Variants in FRRS1L observed in about 807,000 individuals in gnomAD.
FRRS1L encodes the protein ferric chelate reductase 1 like.
Under a neutral mutation model 28.6 loss-of-function variants are expected in FRRS1L, and 22 were observed. That is an observed-to-expected ratio of 0.77 (90% CI 0.55 to 1.10). The LOEUF (loss-of-function observed/expected upper bound fraction) is 1.10, where lower values mean the gene tolerates loss of function less well. FRRS1L is among the 50% of genes least tolerant of loss of function. The pLI, the probability that FRRS1L is intolerant of heterozygous loss-of-function variation, is 0.00. For synonymous variants in FRRS1L, 158 were observed against 151.4 expected (o/e 1.04, Z -0.32); for missense variants, 380 against 386.9 (o/e 0.98, Z 0.15).
At chr9:109,150,355 A>C (rs1210937155) in intron 1 of FRRS1L, 4 of 152,152 alleles carry the variant, frequency 2.6e-5, no homozygotes, top group Admixed American at 2.6e-4. Context: ...AGCTGGGATT[A>C]CAGGCGCCGG....
At chr9:109,166,223 G>A (rs1831546717) in intron 1 of FRRS1L, among the ~76,000 whole-genome samples, 1 of 152,122 alleles carries the variant, frequency 6.6e-6, no homozygotes, top group South Asian at 2.1e-4. Context: ...TTTTGTGCTC[G>A]TTGAAGCAGC....
Position 109,166,922 on chromosome 9 carries a change from G to A in FRRS1L, c.217C>T (p.Leu73=). The A allele has an allele frequency of 1.5e-6, 2 of 1,346,462 alleles. No individual in the cohort carries two copies. Among genetic ancestry groups the A allele is most frequent in the South Asian group, 1.7e-5 (1 of 58,244 alleles). The allele number at this position is 1,346,462 out of a possible 1,614,324, so 83.4% of individuals were successfully genotyped here. The stretch of plus-strand genomic sequence containing the variant: ...TCACCCTCCTCCGACAGGTAGCGCA[G>A]GTCGTAGAACTCCCCCGCGAAGGTG... ...YGTFAGEFYD[L]RYLSEEGYPF... The change falls in exon 1 of 5, where the codon CTG becomes TTG. Residue 73 remains leucine (L), a synonymous_variant. Coordinates refer to ENST00000561981, the MANE Select transcript of FRRS1L (RefSeq NM_014334.4).
At chr9:109,164,348 A>G (rs1588105564) in intron 1 of FRRS1L, among the ~76,000 whole-genome samples, 1 of 151,582 alleles carries the variant, frequency 6.6e-6, no homozygotes, top group African/African-American at 2.4e-5. Context: ...TGAGCCAGGG[A>G]GGACATTTCA....
At chr9:109,139,615 T>C (rs1190137887) in intron 4 of FRRS1L, 1 of 152,192 alleles carries the variant, frequency 6.6e-6, no homozygotes, top group African/African-American at 2.4e-5. Context: ...ATTTTTAGAC[T>C]TCAAATCCCA....
chr9:109,160,611 C>G (rs1588104199), intron 1 of FRRS1L, among the ~76,000 whole-genome samples: 1 of 152,034 alleles, frequency 6.6e-6, no homozygotes, highest in East Asian at 1.9e-4. Flanking sequence ...TGATCTCAAA[C>G]TCCTGGGCTC....
At chr9:109,161,476 T>A (rs988163059) in intron 1 of FRRS1L, among the ~76,000 whole-genome samples, 8 of 152,176 alleles carry the variant, frequency 5.3e-5, no homozygotes, top group African/African-American at 1.9e-4. Context: ...TTCGAGCCAT[T>A]TTTTTCTCTC....
chr9:109,158,573 C>A (rs189952572), intron 1 of FRRS1L, among the ~76,000 whole-genome samples: 1 of 152,302 alleles, frequency 6.6e-6, no homozygotes, highest in Non-Finnish European at 1.5e-5. Context: ...CATTTTATAT[C>A]AATGGAATCA....
chr9:109,141,653 A>G, intron 3 of FRRS1L, 64 bp from the exon 4 acceptor site: 1 of 1,499,566 alleles, frequency 6.7e-7, no homozygotes, highest in South Asian at 1.2e-5. Context: ...ACTGGTCACT[A>G]GAAATATACA....
At chr9:109,138,038 A>G (rs1357367184) in intron 4 of FRRS1L, 2 of 152,600 alleles carry the variant, frequency 1.3e-5, no homozygotes, top group Non-Finnish European at 2.9e-5. Context: ...AGAGACTACT[A>G]ACTTTTTCCC....
Position 109,137,342 on chromosome 9 carries a change from G to A in FRRS1L, c.*113C>T. The stretch of plus-strand genomic sequence containing the variant: ...TTCTTCCAAAAAGCTGAAATTATAT[G>A]AGGTTTTTTTTCTTAAATAATTGAA... On this transcript the variant is annotated 3_prime_UTR_variant, in exon 5 of 5. Transcript: ENST00000561981. 2 of 604,224 alleles carry A rather than the reference G, an allele frequency of 3.3e-6. No homozygotes were observed. Among genetic ancestry groups the A allele is most frequent in the Non-Finnish European group, 5.2e-6 (2 of 387,242 alleles). The allele number at this position is 604,224 out of a possible 1,614,324, so 37.4% of individuals were successfully genotyped here. A position where few individuals can be genotyped will look rare whatever the true frequency, so the allele number is the denominator to read the frequency against.
In FRRS1L at chr9:109,137,605, T is replaced by C. The variant is rs369428108; in HGVS notation, c.732A>G (p.Ile244Met). Residue 244 changes from isoleucine (I) to methionine (M), a missense_variant, in exon 5 of 5, where the codon ATA (isoleucine) becomes ATG (methionine). Coordinates refer to ENST00000561981, the MANE Select transcript of FRRS1L (RefSeq NM_014334.4). ...CACGCTCTGAAGCCGGCGGTGAGTCTATATCATGTCGAGTGATAGAGCCTT... is the reference window on the plus strand; with the variant it reads ...CACGCTCTGAAGCCGGCGGTGAGTCCATATCATGTCGAGTGATAGAGCCTT... ...AIQGSITRHD[I>M]DSPPASERVV... is the part of the protein sequence containing the mutation. The C allele has an allele frequency of 8.3e-5, 133 of 1,597,492 alleles. No homozygotes were observed. Among genetic ancestry groups the C allele is most frequent in the Non-Finnish European group, 9.8e-5 (115 of 1,170,872 alleles).
rs572596027 is a variant in FRRS1L, at chr9:109,136,603, C to T, written c.*852G>A. 6.6e-6 allele frequency: 1 copy of T among 152,324 alleles called. No individual in the cohort carries two copies. Among genetic ancestry groups the T allele is most frequent in the East Asian group, 1.9e-4 (1 of 5,180 alleles). 9.4% of individuals were successfully genotyped at this position (152,324 alleles called of 1,614,324 possible). A position where few individuals can be genotyped will look rare whatever the true frequency, so the allele number is the denominator to read the frequency against. On this transcript the variant is annotated 3_prime_UTR_variant, in exon 5 of 5. Transcript: ENST00000561981. The stretch of plus-strand genomic sequence containing the variant: ...TGGCACAATCTCGGCTCACTGCAAC[C>T]TCCGCCTCCTGGGTTCCAGCAATTC...
At position 109,152,690 on chromosome 9, in the gene FRRS1L, G is replaced by C. The variant is rs1319609446; in HGVS notation, c.239-2970C>G. Among the ~76,000 whole-genome samples, 64 of 150,924 alleles carry C rather than the reference G, an allele frequency of 4.2e-4. 1 individual carries two copies. The highest frequency in any genetic ancestry group is 3.5e-3 in the Middle Eastern group (1 of 286). On this transcript the variant is annotated intron_variant, in intron 1 of 4. Coordinates refer to ENST00000561981, the MANE Select transcript of FRRS1L (RefSeq NM_014334.4). ...GTGGTGGTGGGCACCTGTAGTCCCAGCTACTCAGGAGGCTGAGGCAGGAGA... is the reference window on the plus strand; with the variant it reads ...GTGGTGGTGGGCACCTGTAGTCCCACCTACTCAGGAGGCTGAGGCAGGAGA...
intron 1 of FRRS1L, among the ~76,000 whole-genome samples, chr9:109,157,729 C>A (rs1003440960): frequency 2.0e-5 from 3 of 152,150 alleles, no homozygotes; most frequent in African/African-American, 7.2e-5. Flanking sequence ...TGCTGTACAC[C>A]ATTTCCATCA....
At chr9:109,154,036 T>A (rs1480480102) in intron 1 of FRRS1L, among the ~76,000 whole-genome samples, 2 of 151,992 alleles carry the variant, frequency 1.3e-5, no homozygotes, top group Non-Finnish European at 2.9e-5. Context: ...GCTGTTCCAA[T>A]AAGCAAGTTC....
chr9:109,152,803 C>CAAAAAAAAAAAAAA (rs59385693), intron 1 of FRRS1L, among the ~76,000 whole-genome samples: 8 of 24,116 alleles, frequency 3.3e-4, no homozygotes, highest in African/African-American at 1.8e-3. Flanking sequence ...GACTCCATCT[C>CAAAAAAAAAAAAAA]AAAAAAAAAA....
At chr9:109,153,770 T>G (rs1177267308) in intron 1 of FRRS1L, among the ~76,000 whole-genome samples, 1 of 152,130 alleles carries the variant, frequency 6.6e-6, no homozygotes, top group Non-Finnish European at 1.5e-5. Flanking sequence ...AGTACACCAG[T>G]CGGGAGTTGA....
chr9:109,160,204 G>A (rs544243433), intron 1 of FRRS1L, among the ~76,000 whole-genome samples: 1 of 152,068 alleles, frequency 6.6e-6, no homozygotes, highest in South Asian at 2.1e-4. Context: ...ACAGCCAACT[G>A]CCTCCAGGGG....
At chr9:109,155,047 G>T (rs555102080) in intron 1 of FRRS1L, among the ~76,000 whole-genome samples, 1 of 152,290 alleles carries the variant, frequency 6.6e-6, no homozygotes, top group Admixed American at 6.5e-5. Flanking sequence ...CTAAGGTTCA[G>T]GTTCCAGGCA....
Sources: gnomAD v4.1 joint callset for allele counts (sites outside exome capture counted in the v4.1 genomes callset) on GRCh38, gnomAD v4.1.1 for gene constraint, MANE v1.5 for transcripts, NCBI Gene and HGNC (gene_info 2026-07-23, HGNC 2026-07-21) for gene names.